Variants in CELF2 observed in about 807,000 individuals in gnomAD.
The protein encoded by CELF2 is CUG triplet repeat RNA-binding protein 2.
CELF2 carries 8 observed loss-of-function variants against 62.6 expected under a neutral mutation model. The ratio of observed to expected loss-of-function variants is 0.13; its 90% confidence interval spans 0.07 to 0.23. The LOEUF (loss-of-function observed/expected upper bound fraction) is 0.23. Among genes scored for constraint, CELF2 ranks in the 10% least tolerant of loss-of-function variants. The pLI is 1.00. For synonymous variants in CELF2, 258 were observed against 250.0 expected, an observed-to-expected ratio of 1.03 and a Z score of -0.30; for missense variants, 333 against 671.0, an observed-to-expected ratio of 0.50 and a Z score of 5.56.
At chr10:11,118,986 A>C (rs1772120388) in intron 1 of CELF2, among the ~76,000 whole-genome samples, 1 of 152,248 alleles carries the variant, frequency 6.6e-6, no homozygotes, top group African/African-American at 2.4e-5. Context: ...TCATCAGGAA[A>C]GGTGAGCCAG....
At chr10:11,276,102 TTC>T (rs2085991454) in intron 8 of CELF2, among the ~76,000 whole-genome samples, 1 of 152,202 alleles carries the variant, frequency 6.6e-6, no homozygotes. Flanking sequence ...TTTTCTACCT[TTC>T]TGTTTCTTTT....
chr10:11,052,433 G>T (rs2064133590), intron 1 of CELF2, among the ~76,000 whole-genome samples: 1 of 152,152 alleles, frequency 6.6e-6, no homozygotes, highest in Non-Finnish European at 1.5e-5. Context: ...TGCTGTTACT[G>T]ACCTGTAGGT....
At chr10:10,996,697 A>G (rs1255365431) in intron 2 of CELF2, among the ~76,000 whole-genome samples, 1 of 152,104 alleles carries the variant, frequency 6.6e-6, no homozygotes, top group Non-Finnish European at 1.5e-5. Context: ...CTTTTGCTGG[A>G]ACATCCTCCT....
chr10:11,162,748 G>C (rs2066008766), intron 1 of CELF2, among the ~76,000 whole-genome samples: 1 of 152,132 alleles, frequency 6.6e-6, no homozygotes. Flanking sequence ...GTAGATTTTT[G>C]ATGGTCACTC....
chr10:10,826,391 T>C (rs2057391011), intron 1 of CELF2, among the ~76,000 whole-genome samples: 2 of 152,212 alleles, frequency 1.3e-5, no homozygotes, highest in South Asian at 4.1e-4. Context: ...TGACTAAGGT[T>C]CTGGGATTTA....
intron 2 of CELF2, among the ~76,000 whole-genome samples, chr10:10,964,436 T>A (rs2049898217): frequency 6.6e-6 from 1 of 152,212 alleles, no homozygotes; most frequent in Admixed American, 6.5e-5. Context: ...AAAGGTAATT[T>A]GCTAAATGGT....
At chr10:10,506,419 T>A in the CELF2 span, among the ~76,000 whole-genome samples, 1 of 152,042 alleles carries the variant, frequency 6.6e-6, no homozygotes, top group East Asian at 1.9e-4. Context: ...TATTTAATGA[T>A]CTTCAAATAT....
the CELF2 span, among the ~76,000 whole-genome samples, chr10:10,706,389 T>TAA: frequency 6.6e-6 from 1 of 152,152 alleles, no homozygotes; most frequent in African/African-American, 2.4e-5. Flanking sequence ...AAGTTTGCAT[T>TAA]AATTCATCTC....
Position 11,191,065 on chromosome 10 carries a change from G to A in CELF2, c.271+25383G>A. On this transcript the variant is annotated intron_variant, in intron 2 of 12. Coordinates refer to ENST00000633077, the MANE Select transcript of CELF2 (RefSeq NM_001326342.2). The surrounding 1 kb of genome is among the most constrained non-coding windows in gnomAD (Gnocchi z 4.1). Reference sequence around the variant, plus strand: ...GTACAGAAAACTTAGAAGTAAATTAGGGTTTAAATCCAGTTCCCTGAGGTT... The same window carrying A: ...GTACAGAAAACTTAGAAGTAAATTAAGGTTTAAATCCAGTTCCCTGAGGTT... Among the ~76,000 whole-genome samples the A allele has an allele frequency of 6.6e-6, 1 of 152,136 alleles. No homozygotes were observed. The highest frequency in any genetic ancestry group is 1.5e-5 in the Non-Finnish European group (1 of 68,034).
chr10:10,718,139 A>G, the CELF2 span, among the ~76,000 whole-genome samples: 1 of 152,208 alleles, frequency 6.6e-6, no homozygotes, highest in Admixed American at 6.5e-5. Flanking sequence ...TTCTTGCCCA[A>G]CAAACCAATT....
At chr10:10,778,142 G>C in the CELF2 span, among the ~76,000 whole-genome samples, 1 of 152,192 alleles carries the variant, frequency 6.6e-6, no homozygotes, top group African/African-American at 2.4e-5. Context: ...TATAAGTCCA[G>C]AAAGGGAGCA....
At chr10:10,666,149 G>A in the CELF2 span, among the ~76,000 whole-genome samples, 3 of 152,154 alleles carry the variant, frequency 2.0e-5, no homozygotes, top group African/African-American at 7.2e-5. Context: ...GCCTGAGAGT[G>A]CAAATTTCAT....
At chr10:10,734,115 T>C in the CELF2 span, among the ~76,000 whole-genome samples, 14 of 152,296 alleles carry the variant, frequency 9.2e-5, no homozygotes, top group African/African-American at 3.4e-4. Flanking sequence ...CTGCATAGTC[T>C]TTGATCACCT....
the CELF2 span, among the ~76,000 whole-genome samples, chr10:10,607,178 C>T: frequency 0.28 from 42,019 of 151,854 alleles, 6,164 homozygotes; most frequent in South Asian, 0.5. Flanking sequence ...AAATATTCAA[C>T]GAAGATTCCA....
Position 11,156,469 on chromosome 10 carries a change from A to G in CELF2, c.75-9017A>G, listed in dbSNP as rs1165379413. The stretch of plus-strand genomic sequence containing the variant: ...CAGCCCTCTTATTTAATACCCTGCA[A>G]CGCCCTCCCCTGCATGCTTTATTTG... On this transcript the variant is annotated intron_variant, in intron 1 of 12. Coordinates refer to ENST00000633077, the MANE Select transcript of CELF2 (RefSeq NM_001326342.2). The surrounding 1 kb of genome is among the most constrained non-coding windows in gnomAD (Gnocchi z 4.3). Among the ~76,000 whole-genome samples the G allele has an allele frequency of 5.3e-5, 8 of 151,560 alleles. No individual in the cohort carries two copies. Among genetic ancestry groups the G allele is most frequent in the Non-Finnish European group, 8.8e-5 (6 of 67,936 alleles).
At chr10:10,614,419 C>T in the CELF2 span, among the ~76,000 whole-genome samples, 112 of 152,210 alleles carry the variant, frequency 7.4e-4, no homozygotes, top group African/African-American at 2.5e-3. Context: ...ATCCGGAAGG[C>T]AGTTCTCCAT....
intron 1 of CELF2, among the ~76,000 whole-genome samples, chr10:11,047,905 T>C (rs2063154039): frequency 6.6e-6 from 1 of 152,244 alleles, no homozygotes; most frequent in African/African-American, 2.4e-5. Flanking sequence ...GGGACAAACC[T>C]GAAGAATTTT....
intron 1 of CELF2, among the ~76,000 whole-genome samples, chr10:11,123,880 A>G (rs1453557950): frequency 1.3e-5 from 2 of 152,050 alleles, no homozygotes; most frequent in East Asian, 3.9e-4. Context: ...GTCTCTCTGT[A>G]TTGGTCAGTT....
chr10:10,694,705 G>A, the CELF2 span, among the ~76,000 whole-genome samples: 5 of 151,676 alleles, frequency 3.3e-5, no homozygotes, highest in Non-Finnish European at 5.9e-5. Context: ...CCTGTATTGG[G>A]TGCATATATA....
Sources: gnomAD v4.1 joint callset for allele counts (sites outside exome capture counted in the v4.1 genomes callset) on GRCh38, gnomAD v4.1.1 for gene constraint, Gnocchi (gnomAD v3.1) non-coding constraint, MANE v1.5 for transcripts, NCBI Gene and HGNC (gene_info 2026-07-23, HGNC 2026-07-21) for gene names.